ZFHX3: variants seen among roughly 807,000 people sequenced by gnomAD.
ZFHX3 encodes zinc finger homeobox protein 3.
In ZFHX3, 42 loss-of-function variants were observed where a neutral mutation model predicts 279.1. The ratio of observed to expected loss-of-function variants is 0.15; its 90% CI spans 0.12 to 0.19. The LOEUF (loss-of-function observed/expected upper bound fraction) is 0.19. Ranked by LOEUF, ZFHX3 falls within the 10% of genes least tolerant of loss-of-function variation. The pLI is 1.00. For synonymous variants in ZFHX3, 2,293 were observed against 1,957.8 expected, an observed-to-expected ratio of 1.17 and a Z score of -4.52; for missense variants, 4,981 against 4,754.0, an observed-to-expected ratio of 1.05 and a Z score of -1.40.
intron 2 of ZFHX3, among the ~76,000 whole-genome samples, chr16:73,506,621 C>T (rs1473380579): frequency 6.6e-6 from 1 of 152,160 alleles, no homozygotes; most frequent in Non-Finnish European, 1.5e-5. Flanking sequence ...GTTCAGATGG[C>T]TTTTCTCTTA....
intron 3 of ZFHX3, among the ~76,000 whole-genome samples, chr16:73,441,556 GTAA>G (rs1429306682): frequency 2.0e-5 from 3 of 152,094 alleles, no homozygotes; most frequent in Non-Finnish European, 2.9e-5. Flanking sequence ...TTTAGTTGGG[GTAA>G]TAATGATTCA....
chr16:73,277,781 C>T (rs568781594), intron 4 of ZFHX3, among the ~76,000 whole-genome samples: 2 of 152,250 alleles, frequency 1.3e-5, no homozygotes, highest in East Asian at 1.9e-4. Context: ...TTAGTTGGCT[C>T]ACGGTTCTGC....
At chr16:73,579,784 A>G (rs2051838739) in intron 2 of ZFHX3, among the ~76,000 whole-genome samples, 1 of 148,764 alleles carries the variant, frequency 6.7e-6, no homozygotes, top group African/African-American at 2.5e-5. Flanking sequence ...TTTTAATTAT[A>G]AAAATATTCT....
At chr16:72,831,874 C>T (rs1261649810) in intron 4 of ZFHX3, among the ~76,000 whole-genome samples, 2 of 152,274 alleles carry the variant, frequency 1.3e-5, no homozygotes, top group Non-Finnish European at 2.9e-5. Flanking sequence ...ATTATTGGAA[C>T]ACTAAGCTTG....
At chr16:73,768,498 A>G (rs1039411635) in intron 1 of ZFHX3, among the ~76,000 whole-genome samples, 2 of 152,178 alleles carry the variant, frequency 1.3e-5, no homozygotes, top group African/African-American at 4.8e-5. Context: ...CTGAAATCCT[A>G]TATTCTGTTT....
At chr16:72,850,803 A>G (rs1567547373) in intron 4 of ZFHX3, among the ~76,000 whole-genome samples, 1 of 152,218 alleles carries the variant, frequency 6.6e-6, no homozygotes, top group Non-Finnish European at 1.5e-5. Flanking sequence ...AAATTAAAAA[A>G]AATAATAAAT....
At chr16:72,861,217 T>A (rs1028161635) in intron 4 of ZFHX3, among the ~76,000 whole-genome samples, 2 of 152,226 alleles carry the variant, frequency 1.3e-5, no homozygotes, top group African/African-American at 2.4e-5. Context: ...ATATGGCATG[T>A]CCTCGTTTTG....
At position 73,292,957 on chromosome 16, in the gene ZFHX3, A is replaced by C. The variant is rs73603374; in HGVS notation, c.-1194+25283T>G. Among the ~76,000 whole-genome samples the C allele has an allele frequency of 6.8e-3, 1,035 of 152,338 alleles. 20 individuals are homozygous for C. The highest frequency in any genetic ancestry group is 0.024 in the African/African-American group (981 of 41,570). ...TGACAGTTTTGGAAGAAGCCAAGTC[A>C]ACACATCTGGGATTCAGAGATGGCA... is the stretch of plus-strand genomic sequence containing the variant. On this transcript the variant is annotated intron_variant, in intron 4 of 17. Coordinates refer to the ZFHX3 transcript ENST00000641206.
chr16:73,294,931 C>T (rs1407558187), intron 4 of ZFHX3, among the ~76,000 whole-genome samples: 2 of 149,828 alleles, frequency 1.3e-5, no homozygotes, highest in East Asian at 4.1e-4. Context: ...TCCACAGCCA[C>T]GGCTGGGCGC....
At chr16:72,978,648 G>T (rs188803535) in intron 1 of ZFHX3, among the ~76,000 whole-genome samples, 1 of 152,306 alleles carries the variant, frequency 6.6e-6, no homozygotes, top group East Asian at 1.9e-4. Flanking sequence ...GACATCGTTG[G>T]ACTCTGAACC....
chr16:73,657,335 C>T (rs1002606417), intron 2 of ZFHX3, among the ~76,000 whole-genome samples: 9 of 152,260 alleles, frequency 5.9e-5, no homozygotes, highest in African/African-American at 2.2e-4. Flanking sequence ...TGCATGCCTG[C>T]AATCCCAGCT....
intron 1 of ZFHX3, among the ~76,000 whole-genome samples, chr16:73,004,306 T>C (rs528024196): frequency 1.4e-5 from 2 of 146,262 alleles, no homozygotes; most frequent in South Asian, 4.4e-4. Flanking sequence ...TTTTTCTCTA[T>C]CTGTATGCAT....
intron 3 of ZFHX3, among the ~76,000 whole-genome samples, chr16:72,911,805 G>T (rs13332465): frequency 0.11 from 17,197 of 152,190 alleles, 1,349 homozygotes; most frequent in African/African-American, 0.22. Flanking sequence ...AAGTTCTAGT[G>T]GACGGTGCTG....
chr16:73,252,089 A>T (rs1176384985), intron 5 of ZFHX3, among the ~76,000 whole-genome samples: 1 of 152,202 alleles, frequency 6.6e-6, no homozygotes, highest in Non-Finnish European at 1.5e-5. Flanking sequence ...GCTCAAACAA[A>T]AACATCCAGA....
At chr16:72,920,941 G>A (rs1346270364) in intron 3 of ZFHX3, among the ~76,000 whole-genome samples, 1 of 151,838 alleles carries the variant, frequency 6.6e-6, no homozygotes, top group African/African-American at 2.4e-5. Context: ...GCATGGTGGT[G>A]TATGCCTGTA....
At chr16:73,347,490 C>T (rs1248111220) in intron 3 of ZFHX3, among the ~76,000 whole-genome samples, 1 of 152,230 alleles carries the variant, frequency 6.6e-6, no homozygotes, top group Non-Finnish European at 1.5e-5. Context: ...CAGTGGGTGT[C>T]TCTGCACCGT....
At chr16:73,689,131 A>G (rs1471875355) in intron 1 of ZFHX3, among the ~76,000 whole-genome samples, 1 of 152,238 alleles carries the variant, frequency 6.6e-6, no homozygotes, top group South Asian at 2.1e-4. Context: ...AATACTTGCC[A>G]AAGGATTGAT....
intron 3 of ZFHX3, chr16:73,402,317 G>C (rs2017272625): frequency 6.6e-6 from 1 of 152,212 alleles, no homozygotes; most frequent in East Asian, 1.9e-4. Flanking sequence ...CGTCTTCATT[G>C]ATGATAGAGA....
chr16:72,877,307 C>A (rs1028161492), intron 4 of ZFHX3, among the ~76,000 whole-genome samples: 5 of 152,150 alleles, frequency 3.3e-5, no homozygotes, highest in African/African-American at 1.2e-4. Flanking sequence ...TCTGGACTCG[C>A]AGCGCTGGGG....
Sources: gnomAD v4.1 joint callset for allele counts (sites outside exome capture counted in the v4.1 genomes callset) on GRCh38, gnomAD v4.1.1 for gene constraint, MANE v1.5 for transcripts, NCBI Gene and HGNC (gene_info 2026-07-23, HGNC 2026-07-21) for gene names.